The following ITGAV variants were observed in gnomAD, a reference collection of about 807,000 sequenced individuals.
ITGAV encodes integrin alpha-V.
A neutral mutation model predicts 143.8 loss-of-function variants in ITGAV; 76 were observed. That is an observed-to-expected ratio of 0.53 (90% confidence interval 0.44 to 0.64). The LOEUF (loss-of-function observed/expected upper bound fraction) is 0.64, where lower values mean the gene tolerates loss of function less well. ITGAV is among the 30% of genes least tolerant of loss of function. The pLI is 0.00. For synonymous variants in ITGAV, 453 were observed against 446.7 expected (o/e 1.01, Z -0.18); for missense variants, 1,193 against 1,274.7 (o/e 0.94, Z 0.98).
At chr2:186,633,287 G>C (rs1293905951) in intron 5 of ITGAV, 42 bp from the exon 6 acceptor site, 2 of 1,269,430 alleles carry the variant, frequency 1.6e-6, no homozygotes, top group Non-Finnish European at 2.3e-6. Context: ...AGAGATATTT[G>C]TTCTTTAAAT....
Position 186,675,848 on chromosome 2 carries a change from T to C in ITGAV, c.2849T>C (p.Leu950Pro). The stretch of plus-strand genomic sequence containing the variant: ...GAAAATCAGAATCATTCCTATTCTC[T>C]GAAGTCGTCTGCTTCATTTAATGTC... Reference protein sequence around the residue: ...NKENQNHSYSLKSSASFNVIE... With the variant: ...NKENQNHSYSPKSSASFNVIE... Residue 950 changes from leucine (L) to proline (P), a missense_variant, in exon 28 of 30, where the codon CTG becomes CCG. Physicochemically the swap from Leu to Pro is moderately conservative, Grantham distance 98. Coordinates refer to ENST00000261023, the MANE Select transcript of ITGAV (RefSeq NM_002210.5). The C allele has an allele frequency of 6.2e-7, 1 of 1,607,474 alleles. No homozygotes were observed. The highest frequency in any genetic ancestry group is 8.5e-7 in the Non-Finnish European group (1 of 1,175,904).
intron 13 of ITGAV, among the ~76,000 whole-genome samples, chr2:186,647,495 C>G (rs1688295663): frequency 6.6e-6 from 1 of 152,074 alleles, no homozygotes; most frequent in African/African-American, 2.4e-5. Flanking sequence ...CGTGGCCTCC[C>G]AAAGTGTTGG....
intron 2 of ITGAV, among the ~76,000 whole-genome samples, chr2:186,611,828 C>G (rs753251911): frequency 1.3e-5 from 2 of 151,916 alleles, no homozygotes; most frequent in South Asian, 2.1e-4. Flanking sequence ...CCCAGCACTT[C>G]GGGAGGCAGA....
At chr2:186,631,960 G>A (rs947616916) in intron 5 of ITGAV, among the ~76,000 whole-genome samples, 5 of 152,186 alleles carry the variant, frequency 3.3e-5, no homozygotes, top group African/African-American at 1.2e-4. Flanking sequence ...TGCAGTGAGT[G>A]AGGCTGCATT....
chr2:186,624,189 G>C (rs1314852460), intron 3 of ITGAV, among the ~76,000 whole-genome samples: 1 of 152,046 alleles, frequency 6.6e-6, no homozygotes, highest in Non-Finnish European at 1.5e-5. Context: ...GCTTGTATAA[G>C]TTGTCTTTAT....
intron 20 of ITGAV, 24 bp downstream of exon 20, chr2:186,664,665 A>C (rs1688838586): frequency 1.2e-6 from 2 of 1,613,844 alleles, no homozygotes; most frequent in Non-Finnish European, 1.7e-6. Context: ...CTCTTTAAAA[A>C]TTGAAATGCA....
chr2:186,618,083 G>A lies in ITGAV; in HGVS notation c.317-4256G>A, dbSNP rs1225263347. On this transcript the variant is annotated intron_variant, in intron 2 of 29. Transcript: ENST00000261023. ...AATGAACTTCTTGTCAGTTTGTCTG[G>A]AGAGCAGGCTTTCTTTTGCATTCTC... Among the ~76,000 whole-genome samples the A allele has an allele frequency of 2.0e-5, 3 of 152,220 alleles. No individual in the cohort carries two copies. The South Asian group carries it at 6.2e-4, about 32-fold the overall frequency.
intron 8 of ITGAV, among the ~76,000 whole-genome samples, chr2:186,638,015 A>G (rs1482833499): frequency 1.3e-5 from 2 of 152,118 alleles, no homozygotes; most frequent in African/African-American, 2.4e-5. Context: ...TATCTTGTCT[A>G]TTCTTGTTTA....
chr2:186,600,402 TTC>T (rs1336864124), intron 1 of ITGAV: 9 of 1,526,588 alleles, frequency 5.9e-6, no homozygotes, highest in Non-Finnish European at 8.0e-6. Flanking sequence ...TAGAAATAAC[TTC>T]TCTGTCTACT....
Position 186,622,333 on chromosome 2 carries a change from T to G in ITGAV, c.317-6T>G. The G allele has an allele frequency of 1.2e-6, 2 of 1,600,120 alleles. No homozygotes were observed. The highest frequency in any genetic ancestry group is 1.7e-6 in the Non-Finnish European group (2 of 1,167,618). On this transcript the variant is annotated splice_region_variant and splice_polypyrimidine_tract_variant and intron_variant, in intron 2 of 29. Coordinates refer to ENST00000261023, the MANE Select transcript of ITGAV (RefSeq NM_002210.5). ...GTGTCTTACCACTCACAATATTCTT[T>G]TTTAGGCAATAGAGATTATGCCAAG... is the stretch of plus-strand genomic sequence containing the variant.
At chr2:186,668,185 CATATATATATATATATATAT>C (rs1225346630) in intron 24 of ITGAV, among the ~76,000 whole-genome samples, 1 of 19,074 alleles carries the variant, frequency 5.2e-5, no homozygotes, top group Admixed American at 1.3e-3. Flanking sequence ...TACATACATA[CATATATATATATATATATAT>C]ATATATATAT....
intron 4 of ITGAV, among the ~76,000 whole-genome samples, chr2:186,626,430 T>C (rs1687677741): frequency 6.6e-6 from 1 of 152,204 alleles, no homozygotes; most frequent in Non-Finnish European, 1.5e-5. Context: ...AAATGCAGTA[T>C]AGTGTTTATG....
At chr2:186,618,615 G>A (rs191565334) in intron 2 of ITGAV, among the ~76,000 whole-genome samples, 23 of 152,298 alleles carry the variant, frequency 1.5e-4, no homozygotes, top group South Asian at 1.5e-3. Context: ...GAAAAGTAAC[G>A]TTTGTTAAGA....
intron 6 of ITGAV, 59 bp from the exon 7 acceptor site, chr2:186,636,023 T>C (rs2105703942): frequency 1.4e-6 from 2 of 1,427,560 alleles, no homozygotes; most frequent in East Asian, 4.6e-5. Context: ...CCATACATTA[T>C]CTGTATCATA....
At chr2:186,666,619 A>G (rs987480265) in intron 21 of ITGAV, 85 bp from the exon 22 acceptor site, 6 of 653,274 alleles carry the variant, frequency 9.2e-6, no homozygotes, top group Non-Finnish European at 1.3e-5. Flanking sequence ...CCATTTTAGA[A>G]CATTATTTTT....
chr2:186,617,775 T>C (rs1687407469), intron 2 of ITGAV, among the ~76,000 whole-genome samples: 1 of 152,128 alleles, frequency 6.6e-6, no homozygotes, highest in Non-Finnish European at 1.5e-5. Context: ...ATACTCTTTT[T>C]TTCTTTTTTA....
intron 25 of ITGAV, 67 bp from the exon 26 acceptor site, chr2:186,669,634 T>C (rs1177478388): frequency 7.3e-6 from 8 of 1,091,892 alleles, no homozygotes; most frequent in Non-Finnish European, 5.5e-6. Context: ...AGAGTTTATA[T>C]CAAAATGCTG....
chr2:186,671,253 G>C (rs892576450), intron 26 of ITGAV, among the ~76,000 whole-genome samples: 2 of 152,080 alleles, frequency 1.3e-5, no homozygotes, highest in African/African-American at 4.8e-5. Flanking sequence ...CTAACTCAAT[G>C]AGAAAGCAAG....
chr2:186,667,133 T>G lies in ITGAV; in HGVS notation c.2247-17T>G. The G allele has an allele frequency of 6.3e-7, 1 of 1,591,266 alleles. No homozygotes were observed. The highest frequency in any genetic ancestry group is 1.4e-5 in the African/African-American group (1 of 73,570). ...TTATGCATAATTCATTTTTAAGTTT[T>G]TTTTTTTCTTTTTCAGCTCAAATCT... On this transcript the variant is annotated splice_polypyrimidine_tract_variant and intron_variant, in intron 22 of 29. Transcript: ENST00000261023.
Sources: gnomAD v4.1 joint callset for allele counts (sites outside exome capture counted in the v4.1 genomes callset) on GRCh38, gnomAD v4.1.1 for gene constraint, MANE v1.5 for transcripts, NCBI Gene and HGNC (gene_info 2026-07-23, HGNC 2026-07-21) for gene names.